Variants in MRAP2 observed in about 807,000 individuals in gnomAD.
MRAP2 encodes the protein melanocortin 2 receptor accessory protein 2.
Under a neutral mutation model 17.4 loss-of-function variants are expected in MRAP2, and 20 were observed. That is an observed-to-expected ratio of 1.15 (90% confidence interval 0.81 to 1.67). The LOEUF is 1.67. Among genes scored for constraint, MRAP2 ranks in the 40% most tolerant of loss-of-function variants. The pLI is 0.00. For missense variants in MRAP2, 238 were observed against 240.0 expected, an observed-to-expected ratio of 0.99 and a Z score of 0.05; for synonymous variants, 96 against 88.4, an observed-to-expected ratio of 1.09 and a Z score of -0.48.
At chr6:84,138,211 T>A in the MRAP2 span, among the ~76,000 whole-genome samples, 1 of 152,188 alleles carries the variant, frequency 6.6e-6, no homozygotes, top group South Asian at 2.1e-4. Context: ...AAGGGGAGAC[T>A]CCTCCTTTAA....
intron 3 of MRAP2, 151 bp from the exon 4 acceptor site, chr6:84,088,940 T>A: frequency 1.2e-6 from 1 of 820,748 alleles, no homozygotes; most frequent in Non-Finnish European, 1.8e-6. Context: ...TTTCTCTTAT[T>A]TCTCATGTTT....
downstream of MRAP2, among the ~76,000 whole-genome samples, chr6:84,093,652 T>A (rs1357414712): frequency 6.6e-6 from 1 of 152,218 alleles, no homozygotes; most frequent in Non-Finnish European, 1.5e-5. Context: ...ATAAGTGTTT[T>A]ATCAGGGCAT....
At chr6:84,069,208 C>A (rs916672427) in intron 3 of MRAP2, among the ~76,000 whole-genome samples, 6 of 151,938 alleles carry the variant, frequency 3.9e-5, no homozygotes, top group Admixed American at 6.6e-5. Context: ...CAGCTTTTCC[C>A]CACTCAGTAT....
intron 2 of MRAP2, among the ~76,000 whole-genome samples, chr6:84,059,223 G>C (rs920882287): frequency 1.3e-5 from 2 of 152,106 alleles, no homozygotes; most frequent in African/African-American, 4.8e-5. Context: ...ATGCTTTTTC[G>C]TGTGCCACCT....
intron 1 of MRAP2, among the ~76,000 whole-genome samples, chr6:84,051,892 C>G (rs2099490507): frequency 6.6e-6 from 1 of 152,158 alleles, no homozygotes; most frequent in African/African-American, 2.4e-5. Flanking sequence ...ACCACGCTTT[C>G]TCTGTTTGGG....
chr6:84,126,330 A>G, the MRAP2 span: 3 of 1,380,528 alleles, frequency 2.2e-6, no homozygotes, highest in Admixed American at 8.0e-5. Context: ...AATTAAAGGC[A>G]CTTAAAAGTA....
At chr6:84,039,285 A>G (rs2099486909) in intron 1 of MRAP2, among the ~76,000 whole-genome samples, 1 of 152,234 alleles carries the variant, frequency 6.6e-6, no homozygotes, top group African/African-American at 2.4e-5. Context: ...CAGCATAGCA[A>G]ACAATCAAGG....
chr6:84,047,881 C>T (rs1562873310), intron 1 of MRAP2, among the ~76,000 whole-genome samples: 1 of 152,174 alleles, frequency 6.6e-6, no homozygotes. Context: ...CAATATTTGT[C>T]CCTTTGTAAC....
chr6:84,117,746 G>GC, the MRAP2 span, among the ~76,000 whole-genome samples: 2 of 151,808 alleles, frequency 1.3e-5, no homozygotes, highest in Non-Finnish European at 2.9e-5. Context: ...GCTGCAGTTT[G>GC]CTGGGGGTCT....
At chr6:84,073,339 A>G (rs567218980) in intron 3 of MRAP2, among the ~76,000 whole-genome samples, 105 of 152,344 alleles carry the variant, frequency 6.9e-4, no homozygotes, top group African/African-American at 2.4e-3. Flanking sequence ...CTTCTCCCAC[A>G]AAGAGACTTT....
intron 3 of MRAP2, among the ~76,000 whole-genome samples, chr6:84,086,401 A>G (rs543094860): frequency 6.3e-4 from 96 of 152,278 alleles, no homozygotes; most frequent in African/African-American, 2.2e-3. Context: ...TCTTGTTATC[A>G]GACATTTGTG....
chr6:84,083,840 A>G (rs979950598), intron 3 of MRAP2, among the ~76,000 whole-genome samples: 2 of 152,172 alleles, frequency 1.3e-5, no homozygotes, highest in Admixed American at 1.3e-4. Context: ...AAACATACAG[A>G]CAACACAAAT....
the MRAP2 span, among the ~76,000 whole-genome samples, chr6:84,109,471 TTTGCCTG>T: frequency 3.3e-5 from 5 of 152,142 alleles, no homozygotes; most frequent in African/African-American, 9.7e-5. Context: ...GCTCTCTCGG[TTTGCCTG>T]TTGTTGGTAT....
chr6:84,038,093 T>G (rs2099486621), intron 1 of MRAP2, among the ~76,000 whole-genome samples: 1 of 152,136 alleles, frequency 6.6e-6, no homozygotes, highest in Admixed American at 6.5e-5. Context: ...TCCCAGAGTT[T>G]GTTGGGCAAA....
chr6:84,037,874 C>G (rs1223759074), intron 1 of MRAP2, among the ~76,000 whole-genome samples: 2 of 152,236 alleles, frequency 1.3e-5, no homozygotes, highest in East Asian at 3.9e-4. Context: ...TCGGCCAGCC[C>G]AGAGAGGGGC....
intron 3 of MRAP2, among the ~76,000 whole-genome samples, chr6:84,064,518 T>G (rs193075659): frequency 8.5e-5 from 13 of 152,084 alleles, no homozygotes; most frequent in Admixed American, 4.6e-4. Context: ...GACGGAGTCT[T>G]GCTCTGTCAC....
chr6:84,139,258 A>G, the MRAP2 span, among the ~76,000 whole-genome samples: 1 of 152,208 alleles, frequency 6.6e-6, no homozygotes. Context: ...CCATATATTT[A>G]CATTCCCACA....
At chr6:84,125,490 T>C in the MRAP2 span, among the ~76,000 whole-genome samples, 1 of 152,106 alleles carries the variant, frequency 6.6e-6, no homozygotes, top group Non-Finnish European at 1.5e-5. Context: ...AATTCATATG[T>C]TGAATTTCCT....
chr6:84,089,995 T>C lies in MRAP2; in HGVS notation c.*514T>C, dbSNP rs2129177098. 2 of 156,886 alleles carry C rather than the reference T, an allele frequency of 1.3e-5. No individual in the cohort carries two copies. The highest frequency in any genetic ancestry group is 6.8e-3 in the Middle Eastern group (2 of 296). 9.7% of individuals were successfully genotyped at this position (156,886 alleles called of 1,614,324 possible). A position where few individuals can be genotyped will look rare whatever the true frequency, so the allele number is the denominator to read the frequency against. On this transcript the variant is annotated 3_prime_UTR_variant, in exon 4 of 4. Transcript: ENST00000257776. Reference sequence around the variant, plus strand: ...TTTGGCCAAATACCTATTGTCAGCATTCTTGGGTGAGGATTAGCCTACCAT... The same window carrying C: ...TTTGGCCAAATACCTATTGTCAGCACTCTTGGGTGAGGATTAGCCTACCAT...
Sources: gnomAD v4.1 joint callset for allele counts (sites outside exome capture counted in the v4.1 genomes callset) on GRCh38, gnomAD v4.1.1 for gene constraint, MANE v1.5 for transcripts, NCBI Gene and HGNC (gene_info 2026-07-23, HGNC 2026-07-21) for gene names.